TIAM1: variants seen among roughly 807,000 people sequenced by gnomAD.
TIAM1 encodes rho guanine nucleotide exchange factor TIAM1.
In TIAM1, 65 loss-of-function variants were observed where a neutral mutation model predicts 163.5. That is an observed-to-expected ratio of 0.40 (90% CI 0.33 to 0.49). The LOEUF (loss-of-function observed/expected upper bound fraction) is 0.49, where lower values mean the gene tolerates loss of function less well. TIAM1 is among the 20% of genes least tolerant of loss of function. TIAM1 has a pLI of 0.77. For missense variants in TIAM1, 1,789 were observed against 2,044.7 expected, an observed-to-expected ratio of 0.87 and a Z score of 2.41; for synonymous variants, 833 against 810.1, an observed-to-expected ratio of 1.03 and a Z score of -0.48.
chr21:31,431,283 A>C lies in TIAM1; in HGVS notation c.-369+32700T>G, dbSNP rs2044018574. Among the ~76,000 whole-genome samples, 6 of 152,186 alleles carry C rather than the reference A, an allele frequency of 3.9e-5. No individual in the cohort carries two copies. The South Asian group carries it at 1.2e-3, about 32-fold the overall frequency. On this transcript the variant is annotated intron_variant, in intron 2 of 28. Coordinates refer to the TIAM1 transcript ENST00000286827. ...TGTTCAGTAGCTCTTACCAGACTGT[A>C]CTGAATGTGTCCATCTCTCCAGCTG... is the stretch of plus-strand genomic sequence containing the variant.
At chr21:31,192,212 C>T (rs1162346893) in intron 13 of TIAM1, among the ~76,000 whole-genome samples, 1 of 152,180 alleles carries the variant, frequency 6.6e-6, no homozygotes, top group East Asian at 1.9e-4. Context: ...GGCCCAAATC[C>T]TCTATTGAGT....
Position 31,329,649 on chromosome 21 carries a change from G to C in TIAM1, c.-189+9594C>G, listed in dbSNP as rs563780361. On this transcript the variant is annotated intron_variant, in intron 2 of 27. Transcript: ENST00000541036. ...GGAAGAAAACAGGAACATGAAGTCA[G>C]TGCTTTCACAGCTATGAAGCCGCCA... 3.9e-5 allele frequency among the ~76,000 whole-genome samples: 6 copies of C among 152,308 alleles called. No individual in the cohort carries two copies. The East Asian group carries it at 1.2e-3, about 29-fold the overall frequency.
chr21:31,284,428 C>T (rs993121951), intron 2 of TIAM1, among the ~76,000 whole-genome samples: 14 of 152,136 alleles, frequency 9.2e-5, no homozygotes, highest in Non-Finnish European at 2.1e-4. Context: ...AGGAGGAAGC[C>T]ACACTTCCTA....
At chr21:31,367,114 G>A (rs1180516152) in intron 2 of TIAM1, among the ~76,000 whole-genome samples, 1 of 150,486 alleles carries the variant, frequency 6.6e-6, no homozygotes, top group Non-Finnish European at 1.5e-5. Flanking sequence ...AGGTAAGCAG[G>A]CAAGAAGTAA....
chr21:31,128,692 TAA>T (rs2082300142), intron 25 of TIAM1, among the ~76,000 whole-genome samples: 2 of 152,182 alleles, frequency 1.3e-5, no homozygotes, highest in Admixed American at 6.5e-5. Flanking sequence ...ACATCATAAG[TAA>T]AAGGGCATCC....
intron 1 of TIAM1, among the ~76,000 whole-genome samples, chr21:31,541,349 CG>C (rs1428085299): frequency 3.3e-5 from 5 of 151,870 alleles, no homozygotes; most frequent in Admixed American, 6.6e-5. Context: ...CCCAGCTACC[CG>C]GAAGACTGAG....
intron 1 of TIAM1, among the ~76,000 whole-genome samples, chr21:31,490,986 G>A (rs148662462): frequency 0.016 from 2,418 of 152,286 alleles, 64 homozygotes; most frequent in African/African-American, 0.054. Context: ...TTAGCCGGGC[G>A]TGGTGGTGCG....
chr21:31,148,973 G>GTT (rs2083262081), intron 19 of TIAM1, among the ~76,000 whole-genome samples: 1 of 44,710 alleles, frequency 2.2e-5, no homozygotes, highest in African/African-American at 6.5e-5. Flanking sequence ...TTTTTTTTTT[G>GTT]GTCAAATATA....
chr21:31,224,759 A>G (rs1242941871), intron 7 of TIAM1, among the ~76,000 whole-genome samples: 1 of 152,064 alleles, frequency 6.6e-6, no homozygotes, highest in Non-Finnish European at 1.5e-5. Context: ...ACAAAGGGAA[A>G]CCCCAGAGGG....
intron 10 of TIAM1, chr21:31,213,049 A>C (rs2086969841): frequency 4.5e-6 from 1 of 224,016 alleles, no homozygotes; most frequent in Non-Finnish European, 8.7e-6. Flanking sequence ...GGGTAGTAAG[A>C]ACACACCTCT....
intron 2 of TIAM1, among the ~76,000 whole-genome samples, chr21:31,358,271 C>A (rs1366365187): frequency 6.6e-6 from 1 of 152,180 alleles, no homozygotes; most frequent in African/African-American, 2.4e-5. Context: ...GGTTGTTCTA[C>A]ACCACTGTTT....
rs796631221 is a variant in TIAM1, at chr21:31,122,828, T to C, written c.4306+1694A>G. ...ATGCTTAAGAACCCGGCTACCATTA[T>C]TGGGTTCTTCCCAGTCTTTCAGGGA... On this transcript the variant is annotated intron_variant, in intron 27 of 27. Transcript: ENST00000541036. Among the ~76,000 whole-genome samples the C allele has an allele frequency of 4.6e-5, 7 of 152,328 alleles. No individual in the cohort carries two copies. In the East Asian group the frequency reaches 7.7e-4, roughly 17 times the overall value.
At chr21:31,478,293 C>T (rs1408907949) in intron 1 of TIAM1, among the ~76,000 whole-genome samples, 4 of 152,254 alleles carry the variant, frequency 2.6e-5, no homozygotes, top group African/African-American at 7.2e-5. Context: ...CCAGATGAGT[C>T]CTCTTAAAAT....
At chr21:31,152,570 C>T (rs1437038205) in intron 19 of TIAM1, 66 bp downstream of exon 19, 38 of 1,592,148 alleles carry the variant, frequency 2.4e-5, no homozygotes, top group East Asian at 1.6e-4. Context: ...GACATCAACA[C>T]GATCAGGGGA....
intron 19 of TIAM1, among the ~76,000 whole-genome samples, chr21:31,147,789 T>A (rs8131309): frequency 0.42 from 58,850 of 140,168 alleles, 12,493 homozygotes; most frequent in East Asian, 0.58. Context: ...TATATTAAAA[T>A]ATATATATAT....
At chr21:31,153,724 T>TAC (rs935991407) in intron 17 of TIAM1, among the ~76,000 whole-genome samples, 231 of 151,680 alleles carry the variant, frequency 1.5e-3, no homozygotes, top group African/African-American at 5.2e-3. Flanking sequence ...TATATATATA[T>TAC]ATATAAATGA....
intron 2 of TIAM1, among the ~76,000 whole-genome samples, chr21:31,442,911 A>T (rs1385769976): frequency 6.6e-6 from 1 of 152,344 alleles, no homozygotes; most frequent in East Asian, 1.9e-4. Flanking sequence ...CAAATATGAG[A>T]CGGCCAGGAC....
chr21:31,388,522 G>A (rs945035617), intron 2 of TIAM1, among the ~76,000 whole-genome samples: 1 of 151,736 alleles, frequency 6.6e-6, no homozygotes, highest in Non-Finnish European at 1.5e-5. Flanking sequence ...GCCAAGCATG[G>A]TGATGCACAC....
chr21:31,201,342 A>G (rs1301055735), intron 12 of TIAM1, among the ~76,000 whole-genome samples: 1 of 152,208 alleles, frequency 6.6e-6, no homozygotes, highest in Non-Finnish European at 1.5e-5. Flanking sequence ...AACACAGAAC[A>G]GTTACTGATT....
Sources: gnomAD v4.1 joint callset for allele counts (sites outside exome capture counted in the v4.1 genomes callset) on GRCh38, gnomAD v4.1.1 for gene constraint, MANE v1.5 for transcripts, NCBI Gene and HGNC (gene_info 2026-07-23, HGNC 2026-07-21) for gene names.